The following ATR variants were observed in gnomAD, a reference collection of about 807,000 sequenced individuals.
ATR encodes the protein ATR checkpoint kinase, also known as serine/threonine-protein kinase ATR.
In ATR, 142 loss-of-function variants were observed where a neutral mutation model predicts 305.3. That is an observed-to-expected ratio of 0.47 (90% CI 0.41 to 0.53). The LOEUF (loss-of-function observed/expected upper bound fraction) is 0.53. Ranked by LOEUF, ATR falls within the 20% of genes least tolerant of loss-of-function variation. The pLI, the probability that ATR is intolerant of heterozygous loss-of-function variation, is 0.00. For synonymous variants in ATR, 1,050 were observed against 1,068.1 expected (o/e 0.98, Z 0.33); for missense variants, 2,135 against 3,133.1 (o/e 0.68, Z 7.60).
Position 142,499,703 on chromosome 3 carries a change from A to G in ATR, c.5304T>C (p.Asp1768=), listed in dbSNP as rs2031851395. The part of the protein sequence containing the change: ...GVHANRSEWT[D]ELNTYRVEAA... Reference sequence around the variant, plus strand: ...CTTCCACTCTGTACGTGTTTAATTCATCTGTCCACTCGGACCTATTAAAAG... The same window carrying G: ...CTTCCACTCTGTACGTGTTTAATTCGTCTGTCCACTCGGACCTATTAAAAG... Residue 1768 remains aspartate (D), a synonymous_variant, in exon 31 of 47, where the codon GAT becomes GAC. Coordinates refer to ENST00000350721, the MANE Select transcript of ATR (RefSeq NM_001184.4). 1.2e-6 allele frequency: 2 copies of G among 1,614,010 alleles called. No individual in the cohort carries two copies. The highest frequency in any genetic ancestry group is 1.3e-5 in the African/African-American group (1 of 74,950).
intron 21 of ATR, among the ~76,000 whole-genome samples, chr3:142,530,006 T>A (rs901576696): frequency 2.6e-5 from 4 of 152,096 alleles, no homozygotes; most frequent in Non-Finnish European, 5.9e-5. Context: ...ATTAATTCTG[T>A]TCTCTTGTTT....
chr3:142,576,192 G>GA (rs554921011), intron 1 of ATR, among the ~76,000 whole-genome samples: 9 of 152,180 alleles, frequency 5.9e-5, no homozygotes, highest in African/African-American at 2.2e-4. Flanking sequence ...AGCGACAAGG[G>GA]AAAAAAACCA....
Position 142,470,126 on chromosome 3 carries a change from T to C in ATR, c.6279A>G (p.Leu2093=), listed in dbSNP as rs766366107. ...IYQSMPRMLT[L]WLDYGTKAYE... Reference sequence around the variant, plus strand: ...ATGCCTTTGTACCATAATCAAGCCATAGAGTTAACATTCGTGGCATTGACT... The same window carrying C: ...ATGCCTTTGTACCATAATCAAGCCACAGAGTTAACATTCGTGGCATTGACT... The change falls in exon 37 of 47, where the codon CTA becomes CTG. Residue 2093 remains leucine (L), a synonymous_variant. Coordinates refer to ENST00000350721, the MANE Select transcript of ATR (RefSeq NM_001184.4). 2.3e-5 allele frequency: 37 copies of C among 1,611,196 alleles called. No homozygotes were observed. The East Asian group carries it at 6.3e-4, about 27-fold the overall frequency.
intron 23 of ATR, among the ~76,000 whole-genome samples, chr3:142,522,404 A>G (rs1269230599): frequency 6.6e-6 from 1 of 152,162 alleles, no homozygotes; most frequent in Non-Finnish European, 1.5e-5. Flanking sequence ...ATAGAAAAAT[A>G]AACAGAATTT....
chr3:142,464,957 G>A (rs1447592065), intron 41 of ATR, 140 bp downstream of exon 41: 4 of 438,668 alleles, frequency 9.1e-6, no homozygotes, highest in East Asian at 8.6e-5. Flanking sequence ...AGAGTGATCT[G>A]TTTGTATACT....
intron 2 of ATR, 141 bp from the exon 3 acceptor site, chr3:142,566,402 T>A: frequency 1.1e-6 from 1 of 901,038 alleles, no homozygotes. Context: ...GCGGATCACC[T>A]GAGCCCAGGA....
Position 142,553,999 on chromosome 3 carries a change from T to A in ATR, c.2358A>T (p.Leu786=), listed in dbSNP as rs1186305043. ...SPVKLAFIDN[L]HHLCKHLDFR... ...AATCAAGATGCTTACAAAGATGATG[T>A]AGATTATCTATGAAAGCTGAAGGAC... Residue 786 remains leucine (L), a synonymous_variant, in exon 11 of 47, where the codon CTA becomes CTT. Coordinates refer to ENST00000350721, the MANE Select transcript of ATR (RefSeq NM_001184.4). 1.9e-6 allele frequency: 3 copies of A among 1,608,098 alleles called. No individual in the cohort carries two copies. Among genetic ancestry groups the A allele is most frequent in the African/African-American group, 1.3e-5 (1 of 74,726 alleles).
rs2031601095 is a variant in ATR, at chr3:142,496,281, TATATATATATATATATATATATATATA to T, written c.5898+53_5898+79del. 235 of 72,560 alleles carry T rather than the reference TATATATATATATATATATATATATATA, an allele frequency of 3.2e-3. 51 individuals are homozygous for T. The highest frequency in any genetic ancestry group is 0.022 in the Middle Eastern group (4 of 178). 4.5% of individuals were successfully genotyped at this position (72,560 alleles called of 1,614,324 possible). A position where few individuals can be genotyped will look rare whatever the true frequency, so the allele number is the denominator to read the frequency against. On this transcript the variant is annotated intron_variant, in intron 34 of 46. Transcript: ENST00000350721. ...TAAGGAAGTACATAATTCCCGACTA[TATATATATATATATATATATATATATA>T]TATATATATATATATATATATATAT...
intron 18 of ATR, 151 bp from the exon 19 acceptor site, chr3:142,538,776 T>C: frequency 1.0e-6 from 1 of 1,001,348 alleles, no homozygotes; most frequent in Admixed American, 2.7e-5. Flanking sequence ...TGCTATATAT[T>C]CAAATAAAGT....
chr3:142,459,887 C>T (rs189587311), intron 42 of ATR, among the ~76,000 whole-genome samples: 5 of 151,968 alleles, frequency 3.3e-5, no homozygotes, highest in Admixed American at 3.3e-4. Flanking sequence ...TCAAATAGTT[C>T]CAGAATACAA....
chr3:142,571,531 C>T (rs2035261521), intron 1 of ATR, among the ~76,000 whole-genome samples: 1 of 151,980 alleles, frequency 6.6e-6, no homozygotes, highest in Non-Finnish European at 1.5e-5. Flanking sequence ...GTATCATGTA[C>T]ACCCAAAGCA....
chr3:142,565,395 T>A (rs2035032204), intron 3 of ATR, among the ~76,000 whole-genome samples: 1 of 152,142 alleles, frequency 6.6e-6, no homozygotes. Context: ...CATCTCTTTA[T>A]GAAGACACCA....
At chr3:142,474,125 C>A (rs2071373099) in intron 36 of ATR, among the ~76,000 whole-genome samples, 1 of 151,714 alleles carries the variant, frequency 6.6e-6, no homozygotes, top group African/African-American at 2.4e-5. Flanking sequence ...CTAGGTTTCA[C>A]TATGTTGGCC....
At chr3:142,546,317 T>A (rs2034266809) in intron 16 of ATR, among the ~76,000 whole-genome samples, 1 of 152,150 alleles carries the variant, frequency 6.6e-6, no homozygotes, top group Admixed American at 6.6e-5. Flanking sequence ...GGGCATTAAG[T>A]TTTCTGTGGT....
chr3:142,524,790 A>G (rs1225989093), intron 21 of ATR, among the ~76,000 whole-genome samples: 2 of 152,226 alleles, frequency 1.3e-5, no homozygotes, highest in African/African-American at 2.4e-5. Flanking sequence ...AAATATGTCA[A>G]TTCAAATAGT....
intron 34 of ATR, among the ~76,000 whole-genome samples, chr3:142,494,617 C>T (rs1403749242): frequency 6.6e-6 from 1 of 152,056 alleles, no homozygotes; most frequent in African/African-American, 2.4e-5. Context: ...GAAAGGCATT[C>T]TAGGTAGATG....
intron 19 of ATR, 121 bp from the exon 20 acceptor site, chr3:142,536,322 G>A: frequency 1.4e-6 from 1 of 703,168 alleles, no homozygotes; most frequent in South Asian, 1.6e-5. Flanking sequence ...GTTGATTACT[G>A]AGCTGCAAAG....
At chr3:142,559,587 T>A in intron 6 of ATR, 146 bp from the exon 7 acceptor site, 2 of 780,036 alleles carry the variant, frequency 2.6e-6, no homozygotes, top group Non-Finnish European at 4.2e-6. Context: ...TCAAGTAATA[T>A]GTTATTACTA....
intron 17 of ATR, 69 bp downstream of exon 17, chr3:142,542,596 G>T: frequency 7.7e-7 from 1 of 1,305,162 alleles, no homozygotes; most frequent in Non-Finnish European, 1.1e-6. Flanking sequence ...AATGTTTGTA[G>T]CTAGATGCAG....
Sources: allele counts gnomAD v4.1 joint callset (sites outside exome capture counted in the v4.1 genomes callset), GRCh38; gene constraint gnomAD v4.1.1; transcripts MANE v1.5; gene names NCBI Gene and HGNC (gene_info 2026-07-23, HGNC 2026-07-21).